ZNF106: variants seen among roughly 807,000 people sequenced by gnomAD.
The protein encoded by ZNF106 is SH3-domain binding protein 3.
A neutral mutation model predicts 195.1 loss-of-function variants in ZNF106; 67 were observed. The observed-to-expected ratio is 0.34, with a 90% CI of 0.28 to 0.42. ZNF106 has a LOEUF of 0.42. ZNF106 is among the 10% of genes least tolerant of loss of function. The pLI, the probability that ZNF106 is intolerant of heterozygous loss-of-function variation, is 1.00. For missense variants in ZNF106, 2,118 were observed against 2,304.5 expected (o/e 0.92, Z 1.66); for synonymous variants, 784 against 818.6 (o/e 0.96, Z 0.72).
In ZNF106 at chr15:42,446,609, C is replaced by A; in HGVS notation, c.3185G>T (p.Arg1062Met). ...LPSLERKNKR[R>M]KIKGKKERSQ... ...CATACCTTTTTTTCCTTTAATTTTC[C>A]TTCTTTTATTTTTTCTCTCAAGACT... Residue 1062 changes from arginine to methionine, a missense_variant, in exon 7 of 22, where the codon AGG (arginine) becomes ATG (methionine). Arg to Met is a moderately conservative substitution (Grantham distance 91). Coordinates refer to ENST00000564754, the MANE Select transcript of ZNF106 (RefSeq NM_001366845.3). 6.2e-7 allele frequency: 1 copy of A among 1,600,584 alleles called. No homozygotes were observed. The highest frequency in any genetic ancestry group is 8.5e-7 in the Non-Finnish European group (1 of 1,171,718).
rs751581227 is a variant in ZNF106 at position 42,448,145 on chromosome 15, G to C, written c.3062C>G (p.Thr1021Arg). 3.2e-5 allele frequency: 52 copies of C among 1,614,126 alleles called. No individual in the cohort carries two copies. Among genetic ancestry groups the C allele is most frequent in the Non-Finnish European group, 4.2e-5 (50 of 1,180,016 alleles). The change falls in exon 6 of 22, where the codon ACA (threonine) becomes AGA (arginine). Residue 1021 changes from threonine to arginine, a missense_variant. By Grantham distance (71) the Thr-to-Arg change is moderately conservative. Transcript: ENST00000564754. ...AGCACCAGAGGTACAGCTACTATCTGTGGCTGCATCCGCTAAACTGGAGAT... is the reference window on the plus strand; with the variant it reads ...AGCACCAGAGGTACAGCTACTATCTCTGGCTGCATCCGCTAAACTGGAGAT... ...LAISSLADAA[T>R]DSSCTSGAEQ...
chr15:42,438,095 A>G lies in ZNF106; in HGVS notation c.4600+517T>C, dbSNP rs74244933. On this transcript the variant is annotated intron_variant, in intron 12 of 21. Transcript: ENST00000564754. ...AACAGATAAGGGAGCCGGATAAGAC[A>G]GATGAGAAAGGCCAGGCATGGTGGC... Among the ~76,000 whole-genome samples, 633 of 151,440 alleles carry G rather than the reference A, an allele frequency of 4.2e-3. 37 individuals are homozygous for G. The East Asian group carries it at 0.11, about 26-fold the overall frequency.
intron 4 of ZNF106, among the ~76,000 whole-genome samples, chr15:42,454,104 C>T (rs371247045): frequency 1.3e-5 from 2 of 152,036 alleles, no homozygotes; most frequent in South Asian, 2.1e-4. Flanking sequence ...ACTTAAAAAT[C>T]TTAAACTCAA....
intron 14 of ZNF106, among the ~76,000 whole-genome samples, chr15:42,429,242 T>C (rs62022305): frequency 0.2 from 29,906 of 150,748 alleles, 4,230 homozygotes; most frequent in African/African-American, 0.39. Flanking sequence ...AGATTGAGAC[T>C]ATCCTGGCTA....
chr15:42,464,949 C>G (rs1246275434), intron 3 of ZNF106, among the ~76,000 whole-genome samples: 1 of 152,192 alleles, frequency 6.6e-6, no homozygotes, highest in Non-Finnish European at 1.5e-5. Flanking sequence ...AGATGTAACT[C>G]TGCTCCTCAT....
rs138721176 is a variant in ZNF106, at chr15:42,423,219, A to C, written c.5254-599T>G. 4.0e-3 allele frequency among the ~76,000 whole-genome samples: 601 copies of C among 152,110 alleles called. 6 individuals are homozygous for C. Among genetic ancestry groups the C allele is most frequent in the Admixed American group, 0.015 (232 of 15,296 alleles). On this transcript the variant is annotated intron_variant, in intron 17 of 21. Coordinates refer to ENST00000564754, the MANE Select transcript of ZNF106 (RefSeq NM_001366845.3). ...TCCATCTCTACAAAAAATATAAAAA[A>C]ATTAGCCAGGCATGGAGGCTCACGC...
At chr15:42,465,719 G>T (rs778787773) in intron 3 of ZNF106, among the ~76,000 whole-genome samples, 1 of 152,174 alleles carries the variant, frequency 6.6e-6, no homozygotes, top group South Asian at 2.1e-4. Flanking sequence ...TAACACTGCT[G>T]AAGTAAAAAT....
At chr15:42,486,412 A>C (rs1391498971) in intron 1 of ZNF106, among the ~76,000 whole-genome samples, 1 of 152,042 alleles carries the variant, frequency 6.6e-6, no homozygotes, top group African/African-American at 2.4e-5. Context: ...GGTATACGCT[A>C]CTATACTTGG....
At chr15:42,445,957 C>G (rs926214019) in intron 7 of ZNF106, among the ~76,000 whole-genome samples, 2 of 152,252 alleles carry the variant, frequency 1.3e-5, no homozygotes, top group East Asian at 3.9e-4. Flanking sequence ...GGTGGGGCAG[C>G]GGGGAAGCAA....
At chr15:42,437,692 A>G (rs2055335414) in intron 12 of ZNF106, among the ~76,000 whole-genome samples, 1 of 152,064 alleles carries the variant, frequency 6.6e-6, no homozygotes, top group African/African-American at 2.4e-5. Context: ...GGATCACCTG[A>G]GGTCAGGAGT....
chr15:42,483,092 A>G (rs994480132), intron 1 of ZNF106, among the ~76,000 whole-genome samples: 5 of 152,224 alleles, frequency 3.3e-5, no homozygotes, highest in South Asian at 4.1e-4. Context: ...GGCCTGCCCT[A>G]AAGTTAGAAG....
intron 1 of ZNF106, among the ~76,000 whole-genome samples, chr15:42,490,689 A>C (rs1174209931): frequency 6.6e-6 from 1 of 152,146 alleles, no homozygotes; most frequent in Non-Finnish European, 1.5e-5. Flanking sequence ...GGGACGAAGG[A>C]GGTCAGTGGC....
Position 42,442,082 on chromosome 15 carries a change from C to T in ZNF106, c.3754G>A (p.Glu1252Lys). Residue 1252 changes from glutamate (E) to lysine (K), a missense_variant, in exon 10 of 22, where the codon GAA becomes AAA. Transcript: ENST00000564754. ...SACNVSKELLEANREISDSCP... is the reference protein window; with the variant it reads ...SACNVSKELLKANREISDSCP... ...AGAAAAGCTTACATACTATTAGCTT[C>T]CAGTAATTCCTTGGACACATTGCAG... The T allele has an allele frequency of 1.2e-6, 2 of 1,608,502 alleles. No homozygotes were observed. Among genetic ancestry groups the T allele is most frequent in the Non-Finnish European group, 1.7e-6 (2 of 1,177,002 alleles).
Position 42,450,946 on chromosome 15 carries a change from A to G in ZNF106, c.1326T>C (p.Ser442=). 6.2e-7 allele frequency: 1 copy of G among 1,614,192 alleles called. No individual in the cohort carries two copies. The highest frequency in any genetic ancestry group is 8.5e-7 in the Non-Finnish European group (1 of 1,180,018). Residue 442 remains serine, a synonymous_variant, in exon 5 of 22, where the codon TCT becomes TCC. Transcript: ENST00000564754. Reference sequence around the variant, plus strand: ...CCTCGAAGGAAGCAGCGGAATCAGAAGAGGCCTTGTGATTAAGAGATCCAG... The same window carrying G: ...CCTCGAAGGAAGCAGCGGAATCAGAGGAGGCCTTGTGATTAAGAGATCCAG... ...IHTGSLNHKA[S]SDSAASFEVV... is the part of the protein sequence containing the mutation.
intron 1 of ZNF106, among the ~76,000 whole-genome samples, chr15:42,487,094 G>C (rs2057034041): frequency 6.6e-6 from 1 of 152,118 alleles, no homozygotes; most frequent in African/African-American, 2.4e-5. Flanking sequence ...AGGTTGCAGT[G>C]AGCAGAGATC....
intron 2 of ZNF106, among the ~76,000 whole-genome samples, chr15:42,468,935 C>A (rs1162378999): frequency 6.6e-6 from 1 of 151,782 alleles, no homozygotes; most frequent in East Asian, 2.0e-4. Context: ...GCCTATAATC[C>A]CAGCACTTTG....
chr15:42,424,715 A>T, intron 16 of ZNF106, 119 bp downstream of exon 16: 4 of 1,025,114 alleles, frequency 3.9e-6, no homozygotes, highest in Non-Finnish European at 5.6e-6. Context: ...TCTGAGCTCA[A>T]GCGATCCCCC....
intron 20 of ZNF106, among the ~76,000 whole-genome samples, chr15:42,418,350 G>A (rs1267317852): frequency 6.8e-6 from 1 of 146,530 alleles, no homozygotes; most frequent in East Asian, 2.0e-4. Context: ...CTATAATATC[G>A]AAAGGGCTTT....
At chr15:42,482,622 G>A (rs762875823) in intron 1 of ZNF106, among the ~76,000 whole-genome samples, 27 of 139,710 alleles carry the variant, frequency 1.9e-4, no homozygotes, top group African/African-American at 5.8e-4. Context: ...TCCTCCTCCC[G>A]GGTTCAAGCA....
Sources: gnomAD v4.1 joint callset for allele counts (sites outside exome capture counted in the v4.1 genomes callset) on GRCh38, gnomAD v4.1.1 for gene constraint, MANE v1.5 for transcripts, NCBI Gene and HGNC (gene_info 2026-07-23, HGNC 2026-07-21) for gene names.